Variants in SLCO5A1 observed in about 807,000 individuals in gnomAD.
SLCO5A1 encodes the protein solute carrier organic anion transporter family member 5A1.
A neutral mutation model predicts 65.1 loss-of-function variants in SLCO5A1; 39 were observed. The ratio of observed to expected loss-of-function variants is 0.60; its 90% CI spans 0.46 to 0.78. SLCO5A1 has a LOEUF of 0.78. Ranked by LOEUF, SLCO5A1 falls within the 30% of genes least tolerant of loss-of-function variation. SLCO5A1 has a pLI of 0.00. For synonymous variants in SLCO5A1, 438 were observed against 415.7 expected (o/e 1.05, Z -0.65); for missense variants, 1,029 against 1,069.4 (o/e 0.96, Z 0.53).
chr8:69,676,514 A>G, intron 9 of SLCO5A1, 95 bp downstream of exon 9: 3 of 1,015,086 alleles, frequency 3.0e-6, no homozygotes, highest in Middle Eastern at 4.2e-4. Context: ...TATTCATGGT[A>G]ATAAATGACA....
intron 7 of SLCO5A1, 134 bp downstream of exon 7, chr8:69,682,050 C>T (rs1813805500): frequency 1.1e-6 from 1 of 913,292 alleles, no homozygotes; most frequent in Admixed American, 3.0e-5. Flanking sequence ...AGGTTTTCAT[C>T]AGAGGTATTT....
intron 5 of SLCO5A1, among the ~76,000 whole-genome samples, chr8:69,733,284 A>G (rs530689996): frequency 6.6e-6 from 1 of 152,308 alleles, no homozygotes; most frequent in African/African-American, 2.4e-5. Context: ...TTCCATTTAT[A>G]TTGTTGTACC....
At chr8:69,772,699 C>A (rs1284804773) in intron 2 of SLCO5A1, among the ~76,000 whole-genome samples, 2 of 151,694 alleles carry the variant, frequency 1.3e-5, no homozygotes, top group African/African-American at 4.9e-5. Flanking sequence ...AGCCAGGGAG[C>A]CATGGGCCTC....
At chr8:69,764,177 T>A (rs35617319) in intron 2 of SLCO5A1, among the ~76,000 whole-genome samples, 104,157 of 152,152 alleles carry the variant, frequency 0.68, 37,670 homozygotes, top group African/African-American at 0.92. Context: ...AACACTTTTA[T>A]GGCACTGTTG....
chr8:69,832,779 T>A lies in SLCO5A1; in HGVS notation c.-106A>T. On this transcript the variant is annotated 5_prime_UTR_variant, in exon 2 of 10. Transcript: ENST00000260126. The surrounding 1 kb of genome is among the most constrained non-coding windows in gnomAD (Gnocchi z 4.5). ...CCGGGCCCAGTCAGTCTTGCCCACC[T>A]GGGACTGGGGCTGGGGGCGCAGGGC... is the stretch of plus-strand genomic sequence containing the variant. The A allele has an allele frequency of 7.4e-7, 1 of 1,346,746 alleles. No individual in the cohort carries two copies. The highest frequency in any genetic ancestry group is 9.9e-7 in the Non-Finnish European group (1 of 1,008,380). 83.4% of individuals were successfully genotyped at this position (1,346,746 alleles called of 1,614,324 possible).
In SLCO5A1 at chr8:69,784,574, G is replaced by A. The variant is rs560930163; in HGVS notation, c.908-22699C>T. Among the ~76,000 whole-genome samples, 8 of 152,140 alleles carry A rather than the reference G, an allele frequency of 5.3e-5. No homozygotes were observed. In the South Asian group the frequency reaches 1.7e-3, roughly 32 times the overall value. On this transcript the variant is annotated intron_variant, in intron 2 of 9. Coordinates refer to ENST00000260126, the MANE Select transcript of SLCO5A1 (RefSeq NM_030958.3). ...AGGCCGAGGCGGGTGGATCACCTGA[G>A]GTCAGGAGTTTGAGACCAGCCTAGC... is the stretch of plus-strand genomic sequence containing the variant.
At chr8:69,787,338 G>A (rs960573011) in intron 2 of SLCO5A1, among the ~76,000 whole-genome samples, 13 of 152,190 alleles carry the variant, frequency 8.5e-5, no homozygotes, top group African/African-American at 2.4e-4. Flanking sequence ...AGTAGTGTCC[G>A]GCCACTGACC....
intron 5 of SLCO5A1, among the ~76,000 whole-genome samples, chr8:69,734,874 T>A (rs1816491742): frequency 6.6e-6 from 1 of 151,990 alleles, no homozygotes; most frequent in Non-Finnish European, 1.5e-5. Context: ...GAGCTCAAAT[T>A]TTAAAATTTC....
At chr8:69,746,919 T>C (rs1817056431) in intron 4 of SLCO5A1, among the ~76,000 whole-genome samples, 1 of 152,176 alleles carries the variant, frequency 6.6e-6, no homozygotes, top group Non-Finnish European at 1.5e-5. Flanking sequence ...AATCCCAAGT[T>C]GGTAGCCCCA....
chr8:69,693,788 A>AG (rs1814374928), intron 6 of SLCO5A1, among the ~76,000 whole-genome samples: 2 of 152,218 alleles, frequency 1.3e-5, no homozygotes, highest in Non-Finnish European at 2.9e-5. Flanking sequence ...ATCACATCTT[A>AG]ATGTTGAAGA....
At chr8:69,754,953 G>A (rs1817479396) in intron 4 of SLCO5A1, among the ~76,000 whole-genome samples, 1 of 152,016 alleles carries the variant, frequency 6.6e-6, no homozygotes, top group Admixed American at 6.6e-5. Context: ...AAACCACACT[G>A]CCAAAGCCAC....
chr8:69,761,711 C>A (rs1469688409), intron 3 of SLCO5A1, 32 bp downstream of exon 3: 2 of 1,603,976 alleles, frequency 1.2e-6, no homozygotes, highest in Non-Finnish European at 1.7e-6. Flanking sequence ...TTAGTAAGAA[C>A]TGAAATTTAA....
intron 6 of SLCO5A1, among the ~76,000 whole-genome samples, chr8:69,697,553 G>C (rs904662346): frequency 3.3e-5 from 5 of 152,138 alleles, no homozygotes; most frequent in African/African-American, 1.2e-4. Flanking sequence ...GTAATCAAGA[G>C]TGGGGGGACA....
chr8:69,775,991 A>G (rs1328201111), intron 2 of SLCO5A1, among the ~76,000 whole-genome samples: 1 of 152,126 alleles, frequency 6.6e-6, no homozygotes, highest in Admixed American at 6.6e-5. Flanking sequence ...TCCAGCCTGG[A>G]TGACCAAGAC....
At chr8:69,752,803 G>A (rs1817374669) in intron 4 of SLCO5A1, among the ~76,000 whole-genome samples, 1 of 152,120 alleles carries the variant, frequency 6.6e-6, no homozygotes, top group South Asian at 2.1e-4. Context: ...TGCAGAAGTA[G>A]GATCAGTCAT....
At chr8:69,704,978 G>C (rs1218846876) in intron 6 of SLCO5A1, 53 bp downstream of exon 6, 2 of 1,542,380 alleles carry the variant, frequency 1.3e-6, no homozygotes, top group Non-Finnish European at 1.8e-6. Context: ...AAACACCACA[G>C]GGCTTTGCAC....
At chr8:69,772,610 A>AAAGGAAAGGAAAGGAAAGGG (rs1328170957) in intron 2 of SLCO5A1, among the ~76,000 whole-genome samples, 1 of 147,254 alleles carries the variant, frequency 6.8e-6, no homozygotes, top group African/African-American at 2.5e-5. Context: ...AAAGGAAAGG[A>AAAGGAAAGGAAAGGAAAGGG]AAGGAAAGGA....
chr8:69,783,128 A>C (rs1196582877), intron 2 of SLCO5A1, among the ~76,000 whole-genome samples: 1 of 152,174 alleles, frequency 6.6e-6, no homozygotes, highest in Non-Finnish European at 1.5e-5. Context: ...CATTATTGTT[A>C]CTTCTATTAT....
At chr8:69,749,090 C>A (rs778437912) in intron 4 of SLCO5A1, among the ~76,000 whole-genome samples, 1 of 152,154 alleles carries the variant, frequency 6.6e-6, no homozygotes, top group Non-Finnish European at 1.5e-5. Context: ...TTTTAGTGAT[C>A]CCTCTTTGCT....
Sources: allele counts gnomAD v4.1 joint callset (sites outside exome capture counted in the v4.1 genomes callset), GRCh38; gene constraint gnomAD v4.1.1; non-coding constraint Gnocchi (gnomAD v3.1); transcripts MANE v1.5; gene names NCBI Gene and HGNC (gene_info 2026-07-23, HGNC 2026-07-21).